The following ABCA10 variants were observed in gnomAD, a reference collection of about 807,000 sequenced individuals.
The protein encoded by ABCA10 is ATP-binding cassette sub-family A member 10.
A neutral mutation model predicts 187.5 loss-of-function variants in ABCA10; 169 were observed. The observed-to-expected ratio is 0.90, with a 90% CI of 0.80 to 1.02. The LOEUF (loss-of-function observed/expected upper bound fraction) is 1.02. ABCA10 is among the 50% of genes least tolerant of loss of function. The pLI, the probability that ABCA10 is intolerant of heterozygous loss-of-function variation, is 0.00. For synonymous variants in ABCA10, 574 were observed against 601.8 expected (o/e 0.95, Z 0.68); for missense variants, 1,727 against 1,812.4 (o/e 0.95, Z 0.86).
intron 1 of ABCA10, among the ~76,000 whole-genome samples, chr17:69,239,513 G>T (rs372172616): frequency 7.2e-5 from 11 of 152,052 alleles, no homozygotes; most frequent in African/African-American, 2.4e-4. Context: ...TTTAAATGGG[G>T]GTAGGGACCT....
intron 19 of ABCA10, among the ~76,000 whole-genome samples, chr17:69,186,137 T>C (rs1293599375): frequency 6.6e-6 from 1 of 152,188 alleles, no homozygotes; most frequent in Admixed American, 6.5e-5. Context: ...ATCCTAGAAG[T>C]CATCCCACCA....
In ABCA10 at chr17:69,193,182, G is replaced by A. The variant is rs775935453; in HGVS notation, c.1708C>T (p.Leu570=). 3 of 1,614,134 alleles carry A rather than the reference G, an allele frequency of 1.9e-6. No homozygotes were observed. The highest frequency in any genetic ancestry group is 1.1e-5 in the South Asian group (1 of 91,078). The stretch of plus-strand genomic sequence containing the variant: ...AGTCGGTCTACTTTATGCTCCTTCA[G>A]GAGGCTCCACACTCGGTGTCTTGAA... The part of the protein sequence containing the change: ...PFSRHRVWSL[L]KEHKVDRLIL... Residue 570 remains leucine (L), a synonymous_variant, in exon 15 of 39, where the codon CTG becomes TTG. Transcript: ENST00000690296.
intron 22 of ABCA10, among the ~76,000 whole-genome samples, chr17:69,176,561 A>AC (rs1444016354): frequency 6.6e-6 from 1 of 152,122 alleles, no homozygotes; most frequent in Non-Finnish European, 1.5e-5. Context: ...GGGGCTAAAT[A>AC]AATGCACAAT....
chr17:69,155,921 A>C lies in ABCA10; in HGVS notation c.3460T>G (p.Ser1154Ala). The change falls in exon 29 of 39, where the codon TCT (serine) becomes GCT (alanine). Residue 1154 changes from serine (S) to alanine (A), a missense_variant. Transcript: ENST00000690296. ...IMNKDPVFRI[S>A]PRSRETHPNP... The stretch of plus-strand genomic sequence containing the variant: ...GGATGAGTTTCTCTACTCCGTGGAG[A>C]GATTCTACAGAGGAAATAAAATAAC... 1 of 1,611,748 alleles carries C rather than the reference A, an allele frequency of 6.2e-7. No individual in the cohort carries two copies. Among genetic ancestry groups the C allele is most frequent in the East Asian group, 2.2e-5 (1 of 44,774 alleles).
chr17:69,165,123 TATTTGATATCTTAAG>T, intron 25 of ABCA10, 40 bp from the exon 26 acceptor site: 1 of 1,447,512 alleles, frequency 6.9e-7, no homozygotes, highest in Non-Finnish European at 9.6e-7. Context: ...TTCTCAGTTA[TATTTGATATCTTAAG>T]ATATTTCCTG....
intron 20 of ABCA10, 39 bp downstream of exon 20, chr17:69,185,438 T>C: frequency 6.4e-7 from 1 of 1,567,046 alleles, no homozygotes; most frequent in Non-Finnish European, 8.7e-7. Flanking sequence ...AGATCTTTGA[T>C]AATAAAAACT....
intron 1 of ABCA10, among the ~76,000 whole-genome samples, chr17:69,237,211 C>T (rs2074877396): frequency 6.6e-6 from 1 of 152,122 alleles, no homozygotes; most frequent in African/African-American, 2.4e-5. Flanking sequence ...AATTTATTGG[C>T]AGAGAGAAAG....
At position 69,153,497 on chromosome 17, in the gene ABCA10, T is replaced by C. The variant is rs777970498; in HGVS notation, c.4015A>G (p.Thr1339Ala). The C allele has an allele frequency of 6.2e-7, 1 of 1,613,856 alleles. No individual in the cohort carries two copies. The highest frequency in any genetic ancestry group is 1.7e-5 in the Admixed American group (1 of 59,998). Reference protein sequence around the residue: ...LQEQLKAPVKTLSEGIKRKLC... With the variant: ...LQEQLKAPVKALSEGIKRKLC... ...TTTCTCTTTATTCCCTCTGATAGAGTTTTCACAGGAGCCTTAAGTTGTTCC... is the reference window on the plus strand; with the variant it reads ...TTTCTCTTTATTCCCTCTGATAGAGCTTTCACAGGAGCCTTAAGTTGTTCC... Residue 1339 changes from threonine to alanine, a missense_variant, in exon 33 of 39, where the codon ACT becomes GCT. Thr to Ala is a moderately conservative substitution (Grantham distance 58). Transcript: ENST00000690296.
chr17:69,175,322 T>A, intron 23 of ABCA10, 84 bp downstream of exon 23: 1 of 1,150,054 alleles, frequency 8.7e-7, no homozygotes, highest in Non-Finnish European at 1.2e-6. Context: ...AAAGTACAAC[T>A]GTGTGTGTAT....
At position 69,175,051 on chromosome 17, in the gene ABCA10, G is replaced by A. The variant is rs143599279; in HGVS notation, c.2878-274C>T. Among the ~76,000 whole-genome samples the A allele has an allele frequency of 2.7e-4, 41 of 152,228 alleles. 1 individual carries two copies. Among genetic ancestry groups the A allele is most frequent in the Middle Eastern group, 6.8e-3 (2 of 294 alleles). On this transcript the variant is annotated intron_variant, in intron 23 of 38. Transcript: ENST00000690296. ...TTTTTAAAGCCCAGTTTATTAAAGC[G>A]TAGTTAAATAATTGGAAACACTGTA...
chr17:69,205,847 T>A (rs2074587559), intron 9 of ABCA10, among the ~76,000 whole-genome samples: 1 of 152,134 alleles, frequency 6.6e-6, no homozygotes, highest in Admixed American at 6.5e-5. Context: ...TAAAGAAACA[T>A]GAAAATGTTG....
At chr17:69,219,831 T>C (rs1359851472) in intron 5 of ABCA10, 60 bp from the exon 6 acceptor site, 5 of 1,163,478 alleles carry the variant, frequency 4.3e-6, no homozygotes, top group Non-Finnish European at 5.9e-6. Flanking sequence ...ATTAGAAAAC[T>C]ATACACTTTT....
At chr17:69,241,955 ACTAT>A (rs1274947860) in intron 1 of ABCA10, among the ~76,000 whole-genome samples, 1 of 152,226 alleles carries the variant, frequency 6.6e-6, no homozygotes, top group Non-Finnish European at 1.5e-5. Flanking sequence ...GGCTCTAAAA[ACTAT>A]CTAGTGTCTT....
intron 16 of ABCA10, 79 bp downstream of exon 16, chr17:69,192,484 A>G (rs762183745): frequency 2.7e-5 from 35 of 1,273,972 alleles, no homozygotes; most frequent in South Asian, 8.3e-5. Context: ...TGCCTTTCTT[A>G]TATTTCTAAA....
chr17:69,209,796 A>G (rs996824453), intron 9 of ABCA10, among the ~76,000 whole-genome samples: 4 of 152,208 alleles, frequency 2.6e-5, no homozygotes, highest in Non-Finnish European at 4.4e-5. Flanking sequence ...GTGGTAGCCC[A>G]TGGCTCCTAG....
rs200936103 is a variant in ABCA10 at position 69,182,230 on chromosome 17, C to A, written c.2692G>T (p.Gly898Ter). Residue 898 changes from glycine (G) to a stop codon, truncating the protein, a stop_gained, in exon 22 of 39, where the codon GGA becomes TGA. Coordinates refer to ENST00000690296, the MANE Select transcript of ABCA10 (RefSeq NM_001377321.1). LOFTEE classifies it high-confidence loss of function. ...CCCATAAGGGCATTGCTAACAATTC[C>A]CATAAGAACAGGAAAACAATTCAAT... Reference protein sequence around the residue: ...KKLNCFPVLMGIVSNALMGIF... With the variant: ...KKLNCFPVLM The A allele has an allele frequency of 5.0e-6, 8 of 1,596,516 alleles. No homozygotes were observed. In the Admixed American group the frequency reaches 1.4e-4, roughly 27 times the overall value.
At chr17:69,169,819 A>C (rs1598093482) in intron 25 of ABCA10, among the ~76,000 whole-genome samples, 1 of 152,250 alleles carries the variant, frequency 6.6e-6, no homozygotes, top group Admixed American at 6.5e-5. Flanking sequence ...AATTTTCTGA[A>C]GGAATAAACA....
At chr17:69,203,746 C>T (rs1009044288) in intron 9 of ABCA10, among the ~76,000 whole-genome samples, 6 of 152,134 alleles carry the variant, frequency 3.9e-5, no homozygotes, top group African/African-American at 1.4e-4. Context: ...CGTTCTAATG[C>T]TTTTGGATTT....
In ABCA10 at chr17:69,164,002, T is replaced by C. The variant is rs1481012744; in HGVS notation, c.3363+72A>G. 4 of 1,219,320 alleles carry C rather than the reference T, an allele frequency of 3.3e-6. No individual in the cohort carries two copies. In the African/African-American group the frequency reaches 6.3e-5, roughly 19 times the overall value. The allele number at this position is 1,219,320 out of a possible 1,614,324, so 75.5% of individuals were successfully genotyped here. A position where few individuals can be genotyped will look rare whatever the true frequency, so the allele number is the denominator to read the frequency against. The stretch of plus-strand genomic sequence containing the variant: ...TATTTTAAGACATTTAAATTTGGCA[T>C]ACCTTGAATAAGATTTCACGGGGCT... On this transcript the variant is annotated intron_variant, in intron 27 of 38. Transcript: ENST00000690296.
Sources: allele counts gnomAD v4.1 joint callset (sites outside exome capture counted in the v4.1 genomes callset), GRCh38; gene constraint gnomAD v4.1.1; transcripts MANE v1.5; gene names NCBI Gene and HGNC (gene_info 2026-07-23, HGNC 2026-07-21).